Variants in DYNC2I1 observed in about 807,000 individuals in gnomAD.
DYNC2I1 encodes the protein dynein 2 intermediate chain 1, also known as cytoplasmic dynein 2 intermediate chain 1.
A neutral mutation model predicts 133.4 loss-of-function variants in DYNC2I1; 89 were observed. The observed-to-expected ratio is 0.67, with a 90% CI of 0.56 to 0.80. DYNC2I1 has a LOEUF of 0.80. Among genes scored for constraint, DYNC2I1 ranks in the 30% least tolerant of loss-of-function variants. DYNC2I1 has a pLI of 0.00. For synonymous variants in DYNC2I1, 504 were observed against 484.3 expected, an observed-to-expected ratio of 1.04 and a Z score of -0.54; for missense variants, 1,291 against 1,314.5, an observed-to-expected ratio of 0.98 and a Z score of 0.28.
At chr7:158,893,329 C>T (rs1845420328) in intron 8 of DYNC2I1, among the ~76,000 whole-genome samples, 1 of 152,110 alleles carries the variant, frequency 6.6e-6, no homozygotes, top group Non-Finnish European at 1.5e-5. Context: ...AGCTGCTCCT[C>T]AACTTGTGAC....
intron 14 of DYNC2I1, among the ~76,000 whole-genome samples, chr7:158,917,931 C>A (rs932793909): frequency 3.3e-5 from 5 of 152,188 alleles, no homozygotes; most frequent in Non-Finnish European, 7.3e-5. Context: ...GTCTCTCACT[C>A]TCCCGTTCTG....
intron 17 of DYNC2I1, among the ~76,000 whole-genome samples, chr7:158,925,045 C>T (rs970422187): frequency 2.0e-5 from 3 of 152,146 alleles, no homozygotes; most frequent in South Asian, 4.1e-4. Flanking sequence ...CATAAGCCAC[C>T]GCACCCGGCC....
chr7:158,950,085 TA>T (rs1852010602), downstream of DYNC2I1, among the ~76,000 whole-genome samples: 1 of 152,080 alleles, frequency 6.6e-6, no homozygotes, highest in Admixed American at 6.5e-5. Context: ...CGAGCGTTTT[TA>T]AAATTTTATT....
chr7:158,893,167 C>T (rs546262893), intron 8 of DYNC2I1, among the ~76,000 whole-genome samples: 18 of 152,212 alleles, frequency 1.2e-4, no homozygotes, highest in African/African-American at 3.9e-4. Flanking sequence ...TGGGTCATGA[C>T]GTGGATCCAC....
intron 7 of DYNC2I1, among the ~76,000 whole-genome samples, chr7:158,890,058 G>C (rs1460646260): frequency 6.7e-6 from 1 of 149,950 alleles, no homozygotes; most frequent in Non-Finnish European, 1.5e-5. Context: ...CTGTTGCCCA[G>C]GCTGGTCTCG....
At chr7:158,918,595 C>T (rs1314694309) in intron 14 of DYNC2I1, 145 bp from the exon 15 acceptor site, 6 of 826,180 alleles carry the variant, frequency 7.3e-6, no homozygotes, top group South Asian at 5.5e-5. Flanking sequence ...CAGAAAGGAC[C>T]GTATCGTTTT....
intron 4 of DYNC2I1, among the ~76,000 whole-genome samples, chr7:158,955,775 C>T (rs113838517): frequency 0.013 from 2,008 of 152,346 alleles, 50 homozygotes; most frequent in African/African-American, 0.045. Context: ...CCTGTAAGCT[C>T]CAGAGCTTGT....
At position 158,856,693 on chromosome 7, in the gene DYNC2I1, C is replaced by T. The variant is rs942834242; in HGVS notation, c.-43C>T. 3.3e-5 allele frequency: 41 copies of T among 1,232,312 alleles called. No individual in the cohort carries two copies. Among genetic ancestry groups the T allele is most frequent in the Non-Finnish European group, 4.0e-5 (39 of 986,960 alleles). The allele number at this position is 1,232,312 out of a possible 1,614,324, so 76.3% of individuals were successfully genotyped here. A position where few individuals can be genotyped will look rare whatever the true frequency, so the allele number is the denominator to read the frequency against. ...CCTCTTCGGGGTGGACCGCGCCTGGCCGGGGCCGAGGACACCGCGGCCGCC... is the reference window on the plus strand; with the variant it reads ...CCTCTTCGGGGTGGACCGCGCCTGGTCGGGGCCGAGGACACCGCGGCCGCC... On this transcript the variant is annotated 5_prime_UTR_variant, in exon 1 of 25. Coordinates refer to ENST00000407559, the MANE Select transcript of DYNC2I1 (RefSeq NM_018051.5).
At chr7:158,868,056 C>A (rs1842560270) in intron 1 of DYNC2I1, among the ~76,000 whole-genome samples, 1 of 152,220 alleles carries the variant, frequency 6.6e-6, no homozygotes, top group African/African-American at 2.4e-5. Flanking sequence ...TGCACTCCAG[C>A]CTGGGTGACA....
At chr7:158,920,626 G>A (rs1479244868) in intron 15 of DYNC2I1, among the ~76,000 whole-genome samples, 1 of 147,130 alleles carries the variant, frequency 6.8e-6, no homozygotes, top group Non-Finnish European at 1.5e-5. Flanking sequence ...GCCTCCGTTG[G>A]GGAACTCGTG....
At chr7:158,932,617 C>T (rs1448605525) in intron 21 of DYNC2I1, among the ~76,000 whole-genome samples, 4 of 152,100 alleles carry the variant, frequency 2.6e-5, no homozygotes, top group East Asian at 3.9e-4. Context: ...CATTGCAGCA[C>T]GTTGAGCCGA....
chr7:158,852,366 C>T (rs376391843), upstream of DYNC2I1, among the ~76,000 whole-genome samples: 10 of 151,950 alleles, frequency 6.6e-5, no homozygotes, highest in South Asian at 1.2e-3. Flanking sequence ...GTGATCCGCC[C>T]GCCTTGGCCT....
intron 3 of DYNC2I1, among the ~76,000 whole-genome samples, chr7:158,874,519 G>A (rs1306108632): frequency 1.3e-5 from 2 of 152,048 alleles, no homozygotes; most frequent in Non-Finnish European, 2.9e-5. Context: ...TTTTTTCAGT[G>A]TGGTGTTGAA....
rs374791976 is a variant in DYNC2I1 at position 158,911,698 on chromosome 7, A to G, written c.1590+19A>G. On this transcript the variant is annotated intron_variant, in intron 12 of 24. Coordinates refer to ENST00000407559, the MANE Select transcript of DYNC2I1 (RefSeq NM_018051.5). The stretch of plus-strand genomic sequence containing the variant: ...CAAGCAGGTAAGTATGAGATGTGTT[A>G]ACTAAGTGATAAAATGCAAGTAAAG... 7.5e-6 allele frequency: 12 copies of G among 1,592,020 alleles called. No homozygotes were observed. The African/African-American group carries it at 1.5e-4, about 20-fold the overall frequency.
intron 8 of DYNC2I1, among the ~76,000 whole-genome samples, chr7:158,900,068 C>G (rs7792403): frequency 0.17 from 24,986 of 150,592 alleles, 2,551 homozygotes; most frequent in East Asian, 0.49. Flanking sequence ...AAACATTTCT[C>G]TATGCTGTCT....
chr7:158,874,546 A>G (rs1355785854), intron 3 of DYNC2I1, among the ~76,000 whole-genome samples: 1 of 152,176 alleles, frequency 6.6e-6, no homozygotes, highest in African/African-American at 2.4e-5. Flanking sequence ...TGTACTGGAA[A>G]GACTTTTGAA....
chr7:158,956,194 A>C (rs1015217226), intron 4 of DYNC2I1, among the ~76,000 whole-genome samples: 1 of 152,214 alleles, frequency 6.6e-6, no homozygotes, highest in Non-Finnish European at 1.5e-5. Context: ...CCTTGTCTCC[A>C]TCTTTCTGTG....
intron 11 of DYNC2I1, among the ~76,000 whole-genome samples, chr7:158,907,976 T>TGAAAAAATGC (rs1847016035): frequency 6.6e-6 from 1 of 152,120 alleles, no homozygotes; most frequent in African/African-American, 2.4e-5. Flanking sequence ...TGATATATAA[T>TGAAAAAATGC]GTACAAGTAG....
chr7:158,926,128 G>C (rs755630514), intron 17 of DYNC2I1, 59 bp from the exon 18 acceptor site: 94 of 1,334,034 alleles, frequency 7.0e-5, no homozygotes, highest in Non-Finnish European at 9.4e-5. Context: ...TGTGTGATGC[G>C]AACTGCATTT....
Sources: allele counts gnomAD v4.1 joint callset (sites outside exome capture counted in the v4.1 genomes callset), GRCh38; gene constraint gnomAD v4.1.1; transcripts MANE v1.5; gene names NCBI Gene and HGNC (gene_info 2026-07-23, HGNC 2026-07-21).